The following CDH13 variants were observed in gnomAD, a reference collection of about 807,000 sequenced individuals.
CDH13 encodes the protein cadherin 13.
Under a neutral mutation model 63.8 loss-of-function variants are expected in CDH13, and 24 were observed. That is an observed-to-expected ratio of 0.38 (90% CI 0.27 to 0.53). The LOEUF is 0.53. Ranked by LOEUF, CDH13 falls within the 20% of genes least tolerant of loss-of-function variation. The probability of loss-of-function intolerance (pLI) is 0.85; values close to 1 mark genes in which losing one functional copy is unlikely to be tolerated. For synonymous variants in CDH13, 503 were observed against 355.3 expected, an observed-to-expected ratio of 1.42 and a Z score of -4.67; for missense variants, 1,049 against 903.1, an observed-to-expected ratio of 1.16 and a Z score of -2.07.
intron 2 of CDH13, among the ~76,000 whole-genome samples, chr16:82,993,354 A>C (rs189523550): frequency 6.2e-4 from 94 of 152,166 alleles, no homozygotes; most frequent in African/African-American, 2.0e-3. Context: ...TACGCTTATT[A>C]AACTACTGAT....
rs183355417 is a variant in CDH13, at chr16:82,654,919, C to G, written c.45+27782C>G. Among the ~76,000 whole-genome samples the G allele has an allele frequency of 1.3e-3, 194 of 152,248 alleles. 1 individual carries two copies. The highest frequency in any genetic ancestry group is 3.8e-3 in the African/African-American group (158 of 41,530). ...CTGAGGTAGATGGAGTGACTAGATC[C>G]ATTATACAGGCAAAGTAGCTGAGGC... On this transcript the variant is annotated intron_variant, in intron 1 of 13. Transcript: ENST00000567109.
intron 2 of CDH13, among the ~76,000 whole-genome samples, chr16:82,924,301 T>G (rs2042240661): frequency 1.3e-5 from 2 of 152,164 alleles, no homozygotes; most frequent in Admixed American, 1.3e-4. Context: ...AGAGACAATA[T>G]AAAAGCCTTT....
intron 8 of CDH13, among the ~76,000 whole-genome samples, chr16:83,650,489 C>A (rs2150819041): frequency 6.6e-6 from 1 of 152,308 alleles, no homozygotes; most frequent in East Asian, 1.9e-4. Flanking sequence ...AGGCAACTGT[C>A]ATGTAGGGAG....
At chr16:83,318,479 T>C (rs1332741398) in intron 5 of CDH13, among the ~76,000 whole-genome samples, 1 of 152,196 alleles carries the variant, frequency 6.6e-6, no homozygotes, top group Non-Finnish European at 1.5e-5. Flanking sequence ...CATAATCTTC[T>C]AAGGTTTGAT....
intron 1 of CDH13, among the ~76,000 whole-genome samples, chr16:82,665,654 T>C (rs1039147942): frequency 5.3e-5 from 8 of 152,054 alleles, no homozygotes; most frequent in African/African-American, 1.4e-4. Flanking sequence ...CTGCTTCACC[T>C]TCCTCAACTA....
intron 2 of CDH13, among the ~76,000 whole-genome samples, chr16:83,018,622 G>C (rs1483425711): frequency 6.6e-6 from 1 of 152,130 alleles, no homozygotes; most frequent in Non-Finnish European, 1.5e-5. Context: ...GTCATGCATT[G>C]TTTAACCATA....
In CDH13 at chr16:83,673,592, A is replaced by G. The variant is rs1182355529; in HGVS notation, c.1284+2620A>G. On this transcript the variant is annotated intron_variant, in intron 9 of 13. Coordinates refer to ENST00000567109, the MANE Select transcript of CDH13 (RefSeq NM_001257.5). ...CTCAAAATAACAACAACGAAAAAAGAAAAAAAAGAAAAACCAGACTTGCAG... is the reference window on the plus strand; with the variant it reads ...CTCAAAATAACAACAACGAAAAAAGGAAAAAAAGAAAAACCAGACTTGCAG... Among the ~76,000 whole-genome samples the G allele has an allele frequency of 2.6e-5, 4 of 152,236 alleles. No individual in the cohort carries two copies. The East Asian group carries it at 7.7e-4, about 29-fold the overall frequency.
chr16:83,345,068 T>C, intron 6 of CDH13, 62 bp downstream of exon 6: 1 of 1,571,214 alleles, frequency 6.4e-7, no homozygotes. Context: ...TTGATCTTTG[T>C]GGATTCTAGG....
intron 2 of CDH13, among the ~76,000 whole-genome samples, chr16:82,881,344 G>C (rs1475462210): frequency 6.6e-6 from 1 of 152,118 alleles, no homozygotes; most frequent in Non-Finnish European, 1.5e-5. Flanking sequence ...GGGGTCATCT[G>C]CTGTGGGAGG....
intron 4 of CDH13, among the ~76,000 whole-genome samples, chr16:83,151,545 G>C (rs1444723686): frequency 6.6e-6 from 1 of 152,164 alleles, no homozygotes; most frequent in African/African-American, 2.4e-5. Context: ...AAAGGCGGTG[G>C]ATTTGGACAA....
intron 6 of CDH13, among the ~76,000 whole-genome samples, chr16:83,451,831 G>A (rs796600363): frequency 5.3e-5 from 8 of 152,230 alleles, no homozygotes; most frequent in South Asian, 2.1e-4. Context: ...ATTTTATTTC[G>A]TACTGAAATA....
chr16:83,384,797 T>G (rs1420028537), intron 6 of CDH13, among the ~76,000 whole-genome samples: 1 of 152,254 alleles, frequency 6.6e-6, no homozygotes, highest in African/African-American at 2.4e-5. Flanking sequence ...GCTTTTGGAT[T>G]CTTTAAGTAC....
intron 3 of CDH13, among the ~76,000 whole-genome samples, chr16:83,116,443 G>T (rs1486551413): frequency 6.6e-6 from 1 of 152,168 alleles, no homozygotes; most frequent in Non-Finnish European, 1.5e-5. Context: ...TGGAAGCCAG[G>T]GGGCTGACCT....
chr16:83,216,521 A>G (rs2151786976), intron 4 of CDH13, among the ~76,000 whole-genome samples: 1 of 139,222 alleles, frequency 7.2e-6, no homozygotes, highest in South Asian at 2.3e-4. Flanking sequence ...GGGATTTAAT[A>G]TATGTAATAT....
At chr16:83,400,561 G>A (rs2091953255) in intron 6 of CDH13, among the ~76,000 whole-genome samples, 1 of 152,302 alleles carries the variant, frequency 6.6e-6, no homozygotes, top group South Asian at 2.1e-4. Flanking sequence ...TGGAGCAAAA[G>A]TAATTGCAGT....
intron 1 of CDH13, among the ~76,000 whole-genome samples, chr16:82,656,827 A>G (rs1567595817): frequency 1.3e-5 from 2 of 152,040 alleles, no homozygotes; most frequent in South Asian, 4.1e-4. Context: ...TATGGTTGGA[A>G]TAATATAGTA....
At chr16:83,068,737 G>A (rs2032217200) in intron 3 of CDH13, among the ~76,000 whole-genome samples, 1 of 152,126 alleles carries the variant, frequency 6.6e-6, no homozygotes, top group Non-Finnish European at 1.5e-5. Flanking sequence ...GGTTGGGAAT[G>A]GTTTACATCT....
intron 6 of CDH13, among the ~76,000 whole-genome samples, chr16:83,480,691 G>C (rs553244533): frequency 1.3e-5 from 2 of 152,216 alleles, no homozygotes; most frequent in Admixed American, 1.3e-4. Flanking sequence ...ACCTCATTCT[G>C]GTTTGCCCAG....
chr16:83,783,561 CAAG>C (rs1212731377), intron 13 of CDH13, 89 bp downstream of exon 13: 4 of 954,970 alleles, frequency 4.2e-6, no homozygotes, highest in African/African-American at 1.6e-5. Context: ...TATACCTTTC[CAAG>C]AAGATGTTTC....
Sources: gnomAD v4.1 joint callset for allele counts (sites outside exome capture counted in the v4.1 genomes callset) on GRCh38, gnomAD v4.1.1 for gene constraint, MANE v1.5 for transcripts, NCBI Gene and HGNC (gene_info 2026-07-23, HGNC 2026-07-21) for gene names.